Variants in CRISPLD2 observed in about 807,000 individuals in gnomAD.
The protein encoded by CRISPLD2 is cysteine rich secretory protein LCCL domain containing 2.
In CRISPLD2, 47 loss-of-function variants were observed where a neutral mutation model predicts 71.1. The observed-to-expected ratio is 0.66, with a 90% CI of 0.52 to 0.84. The LOEUF (loss-of-function observed/expected upper bound fraction) is 0.84, where lower values mean the gene tolerates loss of function less well. Ranked by LOEUF, CRISPLD2 falls within the 40% of genes least tolerant of loss-of-function variation. The probability of loss-of-function intolerance (pLI) is 0.00; values close to 1 mark genes in which losing one functional copy is unlikely to be tolerated. For synonymous variants in CRISPLD2, 317 were observed against 250.1 expected, an observed-to-expected ratio of 1.27 and a Z score of -2.52; for missense variants, 830 against 651.1, an observed-to-expected ratio of 1.27 and a Z score of -2.99.
chr16:84,853,802 C>A (rs550327234), intron 5 of CRISPLD2, among the ~76,000 whole-genome samples: 36 of 152,352 alleles, frequency 2.4e-4, no homozygotes, highest in African/African-American at 7.9e-4. Flanking sequence ...CCCTCAGTCT[C>A]ACAGCAGCCC....
intron 8 of CRISPLD2, among the ~76,000 whole-genome samples, chr16:84,870,249 C>G (rs1385450496): frequency 6.8e-6 from 1 of 147,244 alleles, no homozygotes; most frequent in Non-Finnish European, 1.5e-5. Context: ...TCAATACCAG[C>G]AGCAATTTGA....
Position 84,892,480 on chromosome 16 carries a change from C to G in CRISPLD2, c.1439+3117C>G, listed in dbSNP as rs571956795. On this transcript the variant is annotated intron_variant, in intron 14 of 14. Coordinates refer to ENST00000262424, the MANE Select transcript of CRISPLD2 (RefSeq NM_031476.4). ...CAATAGTTTCTGTTTCTTAGGGTTT[C>G]TGGACACATAGAGGGATTTTCAGTG... Among the ~76,000 whole-genome samples the G allele has an allele frequency of 5.3e-5, 8 of 152,192 alleles. No homozygotes were observed. The South Asian group carries it at 1.7e-3, about 32-fold the overall frequency.
intron 6 of CRISPLD2, 29 bp downstream of exon 6, chr16:84,854,858 A>G (rs1183540200): frequency 1.3e-6 from 2 of 1,553,268 alleles, no homozygotes; most frequent in Non-Finnish European, 1.8e-6. Context: ...ACACTTTTGC[A>G]ATGAATTTGC....
intron 5 of CRISPLD2, among the ~76,000 whole-genome samples, chr16:84,852,441 A>G (rs1917115731): frequency 6.6e-6 from 1 of 152,222 alleles, no homozygotes; most frequent in South Asian, 2.1e-4. Flanking sequence ...GGGGCCACAC[A>G]GCACACTCCC....
At chr16:84,867,065 C>T (rs759167059) in intron 7 of CRISPLD2, 25 bp downstream of exon 7, 1 of 1,605,220 alleles carries the variant, frequency 6.2e-7, no homozygotes, top group Non-Finnish European at 8.5e-7. Flanking sequence ...TCCTCCGCCC[C>T]TCCTGCCCTC....
chr16:84,851,412 C>T (rs535245422), intron 5 of CRISPLD2, among the ~76,000 whole-genome samples: 4 of 152,210 alleles, frequency 2.6e-5, no homozygotes, highest in East Asian at 1.9e-4. Context: ...GCATGCTGGC[C>T]GCTGGCCACC....
intron 14 of CRISPLD2, among the ~76,000 whole-genome samples, chr16:84,899,977 C>T (rs2071739125): frequency 6.6e-6 from 1 of 152,112 alleles, no homozygotes; most frequent in African/African-American, 2.4e-5. Context: ...TTCACTTGGA[C>T]AGAGAATTCA....
intron 6 of CRISPLD2, among the ~76,000 whole-genome samples, chr16:84,866,204 C>T (rs1406043232): frequency 5.3e-5 from 8 of 151,098 alleles, no homozygotes; most frequent in Non-Finnish European, 1.2e-4. Flanking sequence ...TCCACTATGG[C>T]TTTGGGCCAG....
At position 84,867,036 on chromosome 16, in the gene CRISPLD2, C is replaced by T. The variant is rs371954525; in HGVS notation, c.849C>T (p.Tyr283=). ...TKPKKTSAVN[Y]MTQVVRCDTK... Reference sequence around the variant, plus strand: ...CCAAGAAAACCTCTGCGGTCAACTACATGAGTGAGTCTAGGCCGTCCTCCG... The same window carrying T: ...CCAAGAAAACCTCTGCGGTCAACTATATGAGTGAGTCTAGGCCGTCCTCCG... Residue 283 remains tyrosine (Y), a synonymous_variant, in exon 7 of 15, where the codon TAC becomes TAT. Transcript: ENST00000262424. 20 of 1,613,964 alleles carry T rather than the reference C, an allele frequency of 1.2e-5. No individual in the cohort carries two copies. Among genetic ancestry groups the T allele is most frequent in the Non-Finnish European group, 1.5e-5 (18 of 1,180,006 alleles).
chr16:84,852,372 C>T, intron 5 of CRISPLD2, among the ~76,000 whole-genome samples: 1 of 152,088 alleles, frequency 6.6e-6, no homozygotes, highest in Non-Finnish European at 1.5e-5. Context: ...ACAAAGTGCC[C>T]ACCATTCTAG....
chr16:84,855,010 C>T (rs573344538), intron 6 of CRISPLD2, among the ~76,000 whole-genome samples, 181 bp downstream of exon 6: 1 of 152,314 alleles, frequency 6.6e-6, no homozygotes, highest in East Asian at 1.9e-4. Flanking sequence ...AGGGTCTAGG[C>T]TCAGCTTCCA....
intron 6 of CRISPLD2, among the ~76,000 whole-genome samples, chr16:84,857,534 C>T (rs1917274495): frequency 6.6e-6 from 1 of 152,298 alleles, no homozygotes; most frequent in East Asian, 1.9e-4. Flanking sequence ...CACATCTGGC[C>T]ATTTCTCCTT....
chr16:84,855,660 C>G (rs1184711416), intron 6 of CRISPLD2, among the ~76,000 whole-genome samples: 3 of 152,198 alleles, frequency 2.0e-5, no homozygotes, highest in Non-Finnish European at 4.4e-5. Flanking sequence ...GCATCCTTCA[C>G]TCCAATCAAG....
intron 2 of CRISPLD2, among the ~76,000 whole-genome samples, chr16:84,840,876 C>T (rs904692445): frequency 6.6e-6 from 1 of 152,306 alleles, no homozygotes. Flanking sequence ...GTAGGAGGCT[C>T]TGCTTCTCTG....
rs149397196 is a variant in CRISPLD2, at chr16:84,878,276, A to G, written c.1229+766A>G. 8.3e-4 allele frequency among the ~76,000 whole-genome samples: 116 copies of G among 140,368 alleles called. 1 individual carries two copies. The highest frequency in any genetic ancestry group is 3.8e-3 in the African/African-American group (115 of 30,176). The allele number at this position is 140,368 out of a possible 152,430, so 92.1% of individuals were successfully genotyped here. A position where few individuals can be genotyped will look rare whatever the true frequency, so the allele number is the denominator to read the frequency against. On this transcript the variant is annotated intron_variant, in intron 12 of 14. Coordinates refer to ENST00000262424, the MANE Select transcript of CRISPLD2 (RefSeq NM_031476.4). ...TTTGGCCAAGGTATACAGGGTCACAACCACCACCCGTCAAAGTGTAGACAT... is the reference window on the plus strand; with the variant it reads ...TTTGGCCAAGGTATACAGGGTCACAGCCACCACCCGTCAAAGTGTAGACAT...
intron 11 of CRISPLD2, 23 bp downstream of exon 11, chr16:84,873,986 C>A: frequency 6.3e-7 from 1 of 1,586,118 alleles, no homozygotes; most frequent in Non-Finnish European, 8.6e-7. Context: ...GTCTCTTTTG[C>A]GACCATAATA....
At chr16:84,885,374 C>G (rs1336954583) in intron 13 of CRISPLD2, among the ~76,000 whole-genome samples, 6 of 152,236 alleles carry the variant, frequency 3.9e-5, no homozygotes, top group East Asian at 1.9e-4. Flanking sequence ...TAGCAGGGCA[C>G]AAAGCTCTTT....
At chr16:84,884,125 G>T (rs953775988) in intron 13 of CRISPLD2, among the ~76,000 whole-genome samples, 1 of 152,150 alleles carries the variant, frequency 6.6e-6, no homozygotes, top group Non-Finnish European at 1.5e-5. Context: ...GATTACAGGC[G>T]TGAGCCACCA....
rs556842803 is a variant in CRISPLD2, at chr16:84,873,471, C to G, written c.1112+349C>G. On this transcript the variant is annotated intron_variant, in intron 10 of 14. Transcript: ENST00000262424. Reference sequence around the variant, plus strand: ...CCAGCCTGGCCAACACAGCAAAACTCCGTCTCAAAAAAAAAAAAAAGAAAA... The same window carrying G: ...CCAGCCTGGCCAACACAGCAAAACTGCGTCTCAAAAAAAAAAAAAAGAAAA... The G allele has an allele frequency of 3.5e-3, 535 of 152,970 alleles. 3 individuals carry two copies. The highest frequency in any genetic ancestry group is 0.014 in the African/African-American group (499 of 34,812). The allele number at this position is 152,970 out of a possible 1,614,324, so 9.5% of individuals were successfully genotyped here. A position where few individuals can be genotyped will look rare whatever the true frequency, so the allele number is the denominator to read the frequency against.
Sources: allele counts gnomAD v4.1 joint callset (sites outside exome capture counted in the v4.1 genomes callset), GRCh38; gene constraint gnomAD v4.1.1; transcripts MANE v1.5; gene names NCBI Gene and HGNC (gene_info 2026-07-23, HGNC 2026-07-21).